TARS1: variants seen among roughly 807,000 people sequenced by gnomAD.
TARS1 encodes the protein threonine--tRNA ligase 1, cytoplasmic.
Under a neutral mutation model 97.7 loss-of-function variants are expected in TARS1, and 57 were observed. That is an observed-to-expected ratio of 0.58 (90% CI 0.47 to 0.73). TARS1 has a LOEUF of 0.73. Ranked by LOEUF, TARS1 falls within the 30% of genes least tolerant of loss-of-function variation. The probability of loss-of-function intolerance (pLI) is 0.00; values close to 1 mark genes in which losing one functional copy is unlikely to be tolerated. For missense variants in TARS1, 806 were observed against 888.3 expected (o/e 0.91, Z 1.18); for synonymous variants, 312 against 293.7 (o/e 1.06, Z -0.64).
chr5:33,465,323 C>G (rs964049627), intron 17 of TARS1, among the ~76,000 whole-genome samples: 1 of 152,138 alleles, frequency 6.6e-6, no homozygotes, highest in African/African-American at 2.4e-5. Context: ...CCCCATTTCC[C>G]TTTGCGGGTA....
chr5:33,453,184 A>G, intron 3 of TARS1, 105 bp from the exon 4 acceptor site: 1 of 1,274,910 alleles, frequency 7.8e-7, no homozygotes, highest in Non-Finnish European at 1.0e-6. Flanking sequence ...ACATCAATAT[A>G]AAAAAACAAT....
chr5:33,446,825 AGGGGT>A, intron 2 of TARS1: 1 of 1,062,334 alleles, frequency 9.4e-7, no homozygotes, highest in Non-Finnish European at 1.2e-6. Flanking sequence ...CATTAGTCTG[AGGGGT>A]TCAGATTATG....
At chr5:33,450,416 G>A (rs1318619462) in intron 3 of TARS1, among the ~76,000 whole-genome samples, 1 of 152,178 alleles carries the variant, frequency 6.6e-6, no homozygotes, top group Non-Finnish European at 1.5e-5. Flanking sequence ...AGGCCTATGA[G>A]CCATGAGCAT....
At chr5:33,442,159 G>A (rs3777082) in intron 1 of TARS1, among the ~76,000 whole-genome samples, 45,647 of 151,984 alleles carry the variant, frequency 0.3, 8,725 homozygotes, top group African/African-American at 0.54. Flanking sequence ...TGACAGGACA[G>A]TTCACTTAAA....
intron 12 of TARS1, 24 bp downstream of exon 12, chr5:33,461,088 A>G (rs774516538): frequency 3.7e-6 from 6 of 1,608,956 alleles, no homozygotes; most frequent in East Asian, 4.5e-5. Context: ...GGAATAAAAT[A>G]CTTAGAAAGA....
chr5:33,467,170 T>G (rs1579596273), intron 18 of TARS1, among the ~76,000 whole-genome samples, 185 bp downstream of exon 18: 1 of 41,130 alleles, frequency 2.4e-5, no homozygotes, highest in East Asian at 3.5e-3. Context: ...CATACTGGGT[T>G]TTTTTTTTTT....
At chr5:33,461,597 A>T in intron 13 of TARS1, 70 bp from the exon 14 acceptor site, 1 of 1,432,744 alleles carries the variant, frequency 7.0e-7, no homozygotes, top group Admixed American at 1.8e-5. Flanking sequence ...CTGTATTTTT[A>T]GTCTCAAATT....
intron 10 of TARS1, among the ~76,000 whole-genome samples, chr5:33,459,158 C>T (rs1167719860): frequency 6.6e-6 from 1 of 151,996 alleles, no homozygotes; most frequent in African/African-American, 2.4e-5. Flanking sequence ...GATCCATATA[C>T]CTCCATATAC....
At position 33,453,263 on chromosome 5, in the gene TARS1, CTTTTTTT is replaced by C. The variant is rs35931457; in HGVS notation, c.330-10_330-4del. The C allele has an allele frequency of 1.1e-5, 15 of 1,342,490 alleles. No homozygotes were observed. Among genetic ancestry groups the C allele is most frequent in the Admixed American group, 9.9e-5 (3 of 30,422 alleles). The allele number at this position is 1,342,490 out of a possible 1,614,324, so 83.2% of individuals were successfully genotyped here. On this transcript the variant is annotated intron_variant, in intron 3 of 18. Transcript: ENST00000265112. Reference sequence around the variant, plus strand: ...TCGTGTGTACTTATATATGTGTGGACTTTTTTTTTTTTTTTTTTTTTTAAGTCAAGGC... The same window carrying C: ...TCGTGTGTACTTATATATGTGTGGACTTTTTTTTTTTTTTTAAGTCAAGGC...
At position 33,466,922 on chromosome 5, in the gene TARS1, C is replaced by T; in HGVS notation, c.1960C>T (p.Pro654Ser). 3 of 1,605,828 alleles carry T rather than the reference C, an allele frequency of 1.9e-6. No individual in the cohort carries two copies. Among genetic ancestry groups the T allele is most frequent in the Non-Finnish European group, 2.6e-6 (3 of 1,176,370 alleles). ...AKFMADIDLD[P>S]GCTLNKKIRN... is the part of the protein sequence containing the mutation. ...ATTCATGGCAGACATTGATCTGGATCCAGGCTGTACATTGAATAAAAAGAT... is the reference window on the plus strand; with the variant it reads ...ATTCATGGCAGACATTGATCTGGATTCAGGCTGTACATTGAATAAAAAGAT... Residue 654 changes from proline to serine, a missense_variant, in exon 18 of 19, where the codon CCA becomes TCA. By Grantham distance (74) the Pro-to-Ser change is moderately conservative. Coordinates refer to ENST00000265112, the MANE Select transcript of TARS1 (RefSeq NM_152295.5).
In TARS1 at chr5:33,462,080, A is replaced by AG; in HGVS notation, c.1731-19_1731-18insG. 6.5e-7 allele frequency: 1 copy of AG among 1,543,264 alleles called. No homozygotes were observed. The highest frequency in any genetic ancestry group is 8.9e-7 in the Non-Finnish European group (1 of 1,128,546). On this transcript the variant is annotated intron_variant, in intron 15 of 18. Coordinates refer to ENST00000265112, the MANE Select transcript of TARS1 (RefSeq NM_152295.5). ...AAAATATATATAATAAGACAAAACA[A>AG]TTTTTTTTTTCTTTATAGCCATGAT... is the stretch of plus-strand genomic sequence containing the variant.
At chr5:33,458,257 A>T in intron 9 of TARS1, among the ~76,000 whole-genome samples, 1 of 152,220 alleles carries the variant, frequency 6.6e-6, no homozygotes, top group East Asian at 1.9e-4. Context: ...TTTAAGAACC[A>T]TGAGAGGTAC....
rs376261066 is a variant in TARS1 at position 33,456,932 on chromosome 5, G to A, written c.838-325G>A. The stretch of plus-strand genomic sequence containing the variant: ...CTGCCTTAGCCTCCTGAGTAGCTGC[G>A]ACCATAAGCGCACACCACCATGCCT... On this transcript the variant is annotated intron_variant, in intron 8 of 18. Transcript: ENST00000265112. Among the ~76,000 whole-genome samples, 8 of 152,314 alleles carry A rather than the reference G, an allele frequency of 5.3e-5. No individual in the cohort carries two copies. In the East Asian group the frequency reaches 1.2e-3, roughly 22 times the overall value.
rs1310133770 is a variant in TARS1, at chr5:33,457,257, A to T, written c.838A>T (p.Asn280Tyr). 4 of 1,610,004 alleles carry T rather than the reference A, an allele frequency of 2.5e-6. No homozygotes were observed. Among genetic ancestry groups the T allele is most frequent in the Non-Finnish European group, 3.4e-6 (4 of 1,178,580 alleles). ...GKIKALKIHK[N>Y]SSTYWEGKAD... ...TTTCATGGTTAATCCTTGTTTTCAG[A>T]ATTCCTCCACGTACTGGGAAGGCAA... Residue 280 changes from asparagine (N) to tyrosine (Y), a missense_variant and splice_region_variant, in exon 9 of 19, where the codon AAT becomes TAT. This residue lies in a region of TARS1 where 356 missense variants were observed against 357.8 expected (regional missense o/e 0.99). Transcript: ENST00000265112.
chr5:33,449,444 TC>T, intron 3 of TARS1, among the ~76,000 whole-genome samples: 3 of 139,046 alleles, frequency 2.2e-5, no homozygotes, highest in East Asian at 2.0e-4. Context: ...TTTTTTTCTT[TC>T]TTTTTTTTTT....
rs200342888 is a variant in TARS1 at position 33,458,595 on chromosome 5, C to A, written c.1014C>A (p.Leu338=). ...RDQELYFFHE[L]SPGSCFFLPK... is the part of the protein sequence containing the mutation. ...AAGAACTATATTTCTTTCATGAACTCAGCCCTGGAAGTTGCTTTTTTCTGC... is the reference window on the plus strand; with the variant it reads ...AAGAACTATATTTCTTTCATGAACTAAGCCCTGGAAGTTGCTTTTTTCTGC... The change falls in exon 10 of 19, where the codon CTC becomes CTA. Residue 338 remains leucine, a synonymous_variant. Transcript: ENST00000265112. 3 of 1,613,394 alleles carry A rather than the reference C, an allele frequency of 1.9e-6. No homozygotes were observed. Among genetic ancestry groups the A allele is most frequent in the African/African-American group, 1.3e-5 (1 of 74,922 alleles).
rs1048854801 is a variant in TARS1 at position 33,458,759 on chromosome 5, G to A, written c.1083+95G>A. 10 of 999,530 alleles carry A rather than the reference G, an allele frequency of 1.0e-5. No individual in the cohort carries two copies. In the African/African-American group the frequency reaches 1.7e-4, roughly 17 times the overall value. 61.9% of individuals were successfully genotyped at this position (999,530 alleles called of 1,614,324 possible). On this transcript the variant is annotated intron_variant, in intron 10 of 18. Coordinates refer to ENST00000265112, the MANE Select transcript of TARS1 (RefSeq NM_152295.5). ...AAAAGGAAAGATAATCTGTATTTGA[G>A]AAGAAATATATAAGACGATAAGTAA...
intron 1 of TARS1, among the ~76,000 whole-genome samples, chr5:33,443,160 A>C (rs1393329672): frequency 6.6e-6 from 1 of 152,184 alleles, no homozygotes; most frequent in Admixed American, 6.5e-5. Context: ...AAAAGGGGTC[A>C]TAGGCCTCAG....
At chr5:33,443,320 C>CCTCCCTCTCTCTCTCTCTCTCTCT (rs1741221675) in intron 1 of TARS1, among the ~76,000 whole-genome samples, 2 of 118,516 alleles carry the variant, frequency 1.7e-5, no homozygotes, top group Non-Finnish European at 3.5e-5. Flanking sequence ...TCTCTCTCTC[C>CCTCCCTCTCTCTCTCTCTCTCTCT]CTCTCTCTCT....
Sources: gnomAD v4.1 joint callset for allele counts (sites outside exome capture counted in the v4.1 genomes callset) on GRCh38, gnomAD v4.1.1 for gene constraint, gnomAD v4.1.1 regional missense constraint, MANE v1.5 for transcripts, NCBI Gene and HGNC (gene_info 2026-07-23, HGNC 2026-07-21) for gene names.